The following ROBO2 variants were observed in gnomAD, a reference collection of about 807,000 sequenced individuals.
The protein encoded by ROBO2 is roundabout homolog 2.
Under a neutral mutation model 160.8 loss-of-function variants are expected in ROBO2, and 53 were observed. The ratio of observed to expected loss-of-function variants is 0.33; its 90% CI spans 0.26 to 0.41. The LOEUF (loss-of-function observed/expected upper bound fraction) is 0.41, where lower values mean the gene tolerates loss of function less well. Among genes scored for constraint, ROBO2 ranks in the 10% least tolerant of loss-of-function variants. ROBO2 has a pLI of 1.00. For synonymous variants in ROBO2, 664 were observed against 611.7 expected (o/e 1.09, Z -1.26); for missense variants, 1,577 against 1,722.4 (o/e 0.92, Z 1.49).
intron 2 of ROBO2, among the ~76,000 whole-genome samples, chr3:76,346,939 G>T (rs1030757096): frequency 6.6e-6 from 1 of 152,116 alleles, no homozygotes; most frequent in African/African-American, 2.4e-5. Context: ...CTAATGTGAA[G>T]ATGATGCAGT....
At chr3:76,430,282 G>A (rs1206770277) in intron 2 of ROBO2, among the ~76,000 whole-genome samples, 1 of 152,008 alleles carries the variant, frequency 6.6e-6, no homozygotes, top group East Asian at 1.9e-4. Flanking sequence ...TCTTAACTTT[G>A]CCCTTACTTT....
intron 1 of ROBO2, among the ~76,000 whole-genome samples, chr3:77,072,103 G>A (rs1044977100): frequency 6.6e-6 from 1 of 152,046 alleles, no homozygotes; most frequent in Non-Finnish European, 1.5e-5. Flanking sequence ...AGTTGCGTTA[G>A]ATTCTCAAAG....
chr3:77,040,364 C>A (rs2063969784), exon 1 of ROBO2: 2 of 1,004,266 alleles, frequency 2.0e-6, no homozygotes, highest in Non-Finnish European at 2.4e-6. Context: ...GGTTTTTCGG[C>A]AGCGCGCTGG....
chr3:76,495,381 CCT>C (rs1560042976), intron 2 of ROBO2, among the ~76,000 whole-genome samples: 1 of 151,572 alleles, frequency 6.6e-6, no homozygotes, highest in African/African-American at 2.4e-5. Flanking sequence ...TAAAACACGC[CCT>C]GTCATGTCTT....
intron 2 of ROBO2, among the ~76,000 whole-genome samples, chr3:76,429,709 G>T (rs763162193): frequency 6.6e-6 from 1 of 152,112 alleles, no homozygotes; most frequent in Non-Finnish European, 1.5e-5. Flanking sequence ...AGAGGCACAA[G>T]GTTTACAGAA....
intron 2 of ROBO2, among the ~76,000 whole-genome samples, chr3:76,486,014 C>T (rs1348598883): frequency 6.6e-6 from 1 of 152,208 alleles, no homozygotes; most frequent in African/African-American, 2.4e-5. Context: ...TTCAATCACT[C>T]TCCAGCTACA....
chr3:76,532,072 C>A (rs2082260432), intron 2 of ROBO2, among the ~76,000 whole-genome samples: 1 of 152,158 alleles, frequency 6.6e-6, no homozygotes, highest in Non-Finnish European at 1.5e-5. Flanking sequence ...CCCTGCCTCT[C>A]CTGGCCTCAC....
chr3:77,491,685 C>A (rs1409447144), intron 4 of ROBO2, among the ~76,000 whole-genome samples: 2 of 152,182 alleles, frequency 1.3e-5, no homozygotes, highest in Non-Finnish European at 1.5e-5. Flanking sequence ...TCTTTAGATG[C>A]AACCGTGTTT....
intron 2 of ROBO2, among the ~76,000 whole-genome samples, chr3:76,312,722 G>T (rs185914671): frequency 2.0e-5 from 3 of 152,298 alleles, no homozygotes; most frequent in African/African-American, 4.8e-5. Flanking sequence ...TGTCAGGAGT[G>T]TTAACTTGTA....
At chr3:76,120,818 A>G (rs567339325) in intron 2 of ROBO2, among the ~76,000 whole-genome samples, 1 of 152,176 alleles carries the variant, frequency 6.6e-6, no homozygotes, top group Non-Finnish European at 1.5e-5. Flanking sequence ...AAACTTCTAT[A>G]AAAATTCTCC....
chr3:77,108,495 A>T (rs976494118), intron 2 of ROBO2, among the ~76,000 whole-genome samples: 2 of 152,132 alleles, frequency 1.3e-5, no homozygotes, highest in African/African-American at 4.8e-5. Context: ...TTTCTCTTAA[A>T]TCAATGTTTA....
intron 2 of ROBO2, among the ~76,000 whole-genome samples, chr3:76,743,453 AC>A (rs1040027869): frequency 2.0e-5 from 3 of 152,074 alleles, no homozygotes; most frequent in African/African-American, 7.2e-5. Flanking sequence ...CCTGAATCTG[AC>A]TTTTTTTTAA....
chr3:76,863,284 A>G (rs1395094190), intron 2 of ROBO2, among the ~76,000 whole-genome samples: 3 of 152,098 alleles, frequency 2.0e-5, no homozygotes, highest in Non-Finnish European at 4.4e-5. Flanking sequence ...TTGACTGTGT[A>G]CATGTCCTTC....
intron 2 of ROBO2, among the ~76,000 whole-genome samples, chr3:75,956,922 A>G (rs1017768737): frequency 6.6e-6 from 1 of 151,506 alleles, no homozygotes; most frequent in Non-Finnish European, 1.5e-5. Context: ...TCTTTCTTTC[A>G]TTGTTGCTTT....
At chr3:77,556,906 T>C (rs2093142645) in intron 8 of ROBO2, among the ~76,000 whole-genome samples, 1 of 151,866 alleles carries the variant, frequency 6.6e-6, no homozygotes, top group South Asian at 2.1e-4. Context: ...ATGCCGAAGT[T>C]TATAGAACTT....
At chr3:76,253,213 G>A (rs1471914133) in intron 2 of ROBO2, among the ~76,000 whole-genome samples, 3 of 151,982 alleles carry the variant, frequency 2.0e-5, no homozygotes, top group African/African-American at 7.2e-5. Flanking sequence ...GGTATGTTGT[G>A]TACATGTTGT....
intron 2 of ROBO2, among the ~76,000 whole-genome samples, chr3:76,482,251 G>A (rs1191696724): frequency 1.3e-5 from 2 of 151,988 alleles, no homozygotes; most frequent in African/African-American, 2.4e-5. Flanking sequence ...TTCCATTTCA[G>A]AAAAACTGAC....
chr3:77,460,700 G>A (rs1166317191), intron 2 of ROBO2, among the ~76,000 whole-genome samples: 1 of 151,808 alleles, frequency 6.6e-6, no homozygotes, highest in African/African-American at 2.4e-5. Flanking sequence ...GAATTCAGGG[G>A]AGAATAAAAA....
intron 2 of ROBO2, among the ~76,000 whole-genome samples, chr3:76,436,695 A>G (rs1472370883): frequency 1.3e-5 from 2 of 152,312 alleles, no homozygotes; most frequent in Middle Eastern, 3.4e-3. Context: ...AAAAAGAAAA[A>G]AAGAAAATTA....
Sources: gnomAD v4.1 joint callset for allele counts (sites outside exome capture counted in the v4.1 genomes callset) on GRCh38, gnomAD v4.1.1 for gene constraint, MANE v1.5 for transcripts, NCBI Gene and HGNC (gene_info 2026-07-23, HGNC 2026-07-21) for gene names.